Variants in KCTD14 observed in about 807,000 individuals in gnomAD.
The protein encoded by KCTD14 is potassium channel tetramerization domain containing 14.
A neutral mutation model predicts 5.9 loss-of-function variants in KCTD14; 7 were observed. That is an observed-to-expected ratio of 1.19 (90% CI 0.68 to 2.23). The LOEUF is 2.23. Ranked by LOEUF, KCTD14 falls within the 30% of genes most tolerant of loss-of-function variation. KCTD14 has a pLI of 0.00. For synonymous variants in KCTD14, 140 were observed against 133.1 expected, an observed-to-expected ratio of 1.05 and a Z score of -0.36; for missense variants, 342 against 332.2, an observed-to-expected ratio of 1.03 and a Z score of -0.23.
intron 2 of KCTD14, among the ~76,000 whole-genome samples, chr11:78,035,267 C>A (rs1485932199): frequency 6.6e-6 from 1 of 152,142 alleles, no homozygotes; most frequent in Non-Finnish European, 1.5e-5. Context: ...GGCTTCCATG[C>A]ACCCTGGCTT....
chr11:78,039,115 G>C (rs868591884), intron 1 of KCTD14, among the ~76,000 whole-genome samples: 13 of 151,756 alleles, frequency 8.6e-5, no homozygotes, highest in South Asian at 2.1e-4. Context: ...CTGACCACAG[G>C]GTTGGGCTGA....
chr11:78,032,703 CTTTTT>C (rs35820886), intron 2 of KCTD14, among the ~76,000 whole-genome samples: 1 of 123,546 alleles, frequency 8.1e-6, no homozygotes. Flanking sequence ...TGATCTACTT[CTTTTT>C]TTTTTTTTTT....
intron 2 of KCTD14, among the ~76,000 whole-genome samples, chr11:78,036,322 A>C (rs898832558): frequency 6.6e-6 from 1 of 152,232 alleles, no homozygotes; most frequent in Non-Finnish European, 1.5e-5. Context: ...GACAGTCTCA[A>C]ACTGGGACAA....
At chr11:78,027,760 T>C (rs2136726490), upstream of KCTD14, among the ~76,000 whole-genome samples, 1 of 152,276 alleles carries the variant, frequency 6.6e-6, no homozygotes, top group Non-Finnish European at 1.5e-5. Context: ...TAGAAAGGGA[T>C]GTCTGGGTTA....
chr11:78,045,898 C>G (rs1419743208), intron 1 of KCTD14, among the ~76,000 whole-genome samples: 2 of 152,056 alleles, frequency 1.3e-5, no homozygotes, highest in African/African-American at 4.8e-5. Flanking sequence ...AGGAAGAGTC[C>G]GAGGCAGCCT....
intron 1 of KCTD14, among the ~76,000 whole-genome samples, chr11:78,042,277 C>T (rs144833354): frequency 1.1e-3 from 175 of 152,244 alleles, no homozygotes; most frequent in African/African-American, 4.1e-3. Flanking sequence ...GGAGGCCAAG[C>T]GGGATGGATC....
chr11:78,045,135 A>C (rs1858100144), intron 1 of KCTD14, among the ~76,000 whole-genome samples: 2 of 152,134 alleles, frequency 1.3e-5, no homozygotes, highest in South Asian at 4.1e-4. Context: ...ACAGGGTCTC[A>C]CTTTGTCACC....
chr11:78,045,029 T>G (rs1223153180), intron 1 of KCTD14, among the ~76,000 whole-genome samples: 2 of 152,184 alleles, frequency 1.3e-5, no homozygotes, highest in Non-Finnish European at 2.9e-5. Context: ...CAAGTGTTCC[T>G]AGAGGAAGGT....
intron 2 of KCTD14, among the ~76,000 whole-genome samples, chr11:78,029,926 C>A (rs900574737): frequency 6.6e-6 from 1 of 151,970 alleles, no homozygotes; most frequent in Non-Finnish European, 1.5e-5. Context: ...GGACTACAGG[C>A]GCCCACCACC....
At chr11:78,044,308 C>T (rs1222743916) in intron 1 of KCTD14, among the ~76,000 whole-genome samples, 1 of 152,094 alleles carries the variant, frequency 6.6e-6, no homozygotes, top group South Asian at 2.1e-4. Flanking sequence ...GAAGGGGCTG[C>T]ACTGCCAGCT....
upstream of KCTD14, among the ~76,000 whole-genome samples, chr11:78,024,441 CACACATAT>C (rs1201659131): frequency 3.3e-4 from 21 of 63,618 alleles, no homozygotes; most frequent in Non-Finnish European, 6.6e-4. Context: ...CACACACACA[CACACATAT>C]ATATATATAT....
chr11:78,019,248 A>C (rs1857252084), intron 1 of KCTD14, among the ~76,000 whole-genome samples: 1 of 152,132 alleles, frequency 6.6e-6, no homozygotes, highest in Non-Finnish European at 1.5e-5. Flanking sequence ...TCCTGACCTC[A>C]AGTGATCTGC....
At position 78,033,825 on chromosome 11, in the gene KCTD14, G is replaced by A. The variant is rs564401217; in HGVS notation, c.-1+4839C>T. On this transcript the variant is annotated intron_variant, in intron 2 of 2. Coordinates refer to the KCTD14 transcript ENST00000533144. ...CACACCACTGCACTACAGCTTGGGT[G>A]ACAGAGTAAGACTCCATCTCAAAAA... Among the ~76,000 whole-genome samples, 3 of 143,822 alleles carry A rather than the reference G, an allele frequency of 2.1e-5. No homozygotes were observed. In the South Asian group the frequency reaches 6.8e-4, roughly 33 times the overall value. 94.4% of individuals were successfully genotyped at this position (143,822 alleles called of 152,430 possible).
chr11:78,046,170 G>C (rs936359195), exon 1 of KCTD14: 1 of 977,886 alleles, frequency 1.0e-6, no homozygotes, highest in Non-Finnish European at 1.2e-6. Flanking sequence ...GCAGGAGCAG[G>C]AAAGAAAGAG....
chr11:78,031,046 GTTT>G (rs11342063), intron 2 of KCTD14, among the ~76,000 whole-genome samples: 26 of 131,340 alleles, frequency 2.0e-4, no homozygotes, highest in African/African-American at 4.0e-4. Context: ...GCAAGTAATG[GTTT>G]TTTTTTTTTT....
At chr11:78,044,583 G>A (rs753915576) in intron 1 of KCTD14, among the ~76,000 whole-genome samples, 22 of 152,148 alleles carry the variant, frequency 1.4e-4, no homozygotes, top group Admixed American at 5.9e-4. Flanking sequence ...CAGCCATGCC[G>A]CACAGGAGAC....
chr11:78,019,026 CTTT>C (rs750759055), intron 1 of KCTD14, among the ~76,000 whole-genome samples: 1 of 140,374 alleles, frequency 7.1e-6, no homozygotes, highest in Non-Finnish European at 1.5e-5. Flanking sequence ...TTTTTCTTTT[CTTT>C]TTTTTTTTTT....
intron 2 of KCTD14, among the ~76,000 whole-genome samples, chr11:78,038,213 C>A (rs960912744): frequency 6.6e-6 from 1 of 152,302 alleles, no homozygotes; most frequent in East Asian, 1.9e-4. Context: ...GTCTTGGGAC[C>A]TCGGGTGTCC....
rs548146410 is a variant in KCTD14, at chr11:78,046,179, A to T, written c.-214T>A. The T allele has an allele frequency of 2.2e-4, 212 of 957,936 alleles. 1 individual carries two copies. The African/African-American group carries it at 3.5e-3, about 16-fold the overall frequency. The allele number at this position is 957,936 out of a possible 1,614,324, so 59.3% of individuals were successfully genotyped here. On this transcript the variant is annotated 5_prime_UTR_variant, in exon 1 of 3. Coordinates refer to the KCTD14 transcript ENST00000533144. ...GCAAGGGCAGGAGCAGGAAAGAAAG[A>T]GATCGGCTCAGTGCTTTTCCCTGCT...
Sources: gnomAD v4.1 joint callset for allele counts (sites outside exome capture counted in the v4.1 genomes callset) on GRCh38, gnomAD v4.1.1 for gene constraint, MANE v1.5 for transcripts, NCBI Gene and HGNC (gene_info 2026-07-23, HGNC 2026-07-21) for gene names.